The following AGBL4 variants were observed in gnomAD, a reference collection of about 807,000 sequenced individuals.
AGBL4 encodes AGBL carboxypeptidase 4.
Under a neutral mutation model 66.4 loss-of-function variants are expected in AGBL4, and 58 were observed. That is an observed-to-expected ratio of 0.87 (90% CI 0.71 to 1.09). The LOEUF (loss-of-function observed/expected upper bound fraction) is 1.09, where lower values mean the gene tolerates loss of function less well. Among genes scored for constraint, AGBL4 ranks in the 50% least tolerant of loss-of-function variants. The pLI is 0.00. For synonymous variants in AGBL4, 234 were observed against 222.9 expected (o/e 1.05, Z -0.44); for missense variants, 579 against 631.0 (o/e 0.92, Z 0.88).
chr1:49,858,227 G>A (rs930907098), intron 1 of AGBL4, among the ~76,000 whole-genome samples: 1 of 151,982 alleles, frequency 6.6e-6, no homozygotes, highest in African/African-American at 2.4e-5. Context: ...AAATGCAGGC[G>A]AGGAAGAAAA....
intron 9 of AGBL4, among the ~76,000 whole-genome samples, chr1:48,624,089 C>T (rs1645459922): frequency 1.3e-5 from 2 of 152,158 alleles, no homozygotes; most frequent in South Asian, 4.1e-4. Context: ...ACTTTAGAAT[C>T]TGTGGGTTTC....
At chr1:48,678,836 A>G (rs1262381782) in intron 6 of AGBL4, among the ~76,000 whole-genome samples, 6 of 152,182 alleles carry the variant, frequency 3.9e-5, no homozygotes, top group African/African-American at 2.4e-5. Flanking sequence ...AGCAATTTGC[A>G]TTTTCAATTC....
rs186324295 is a variant in AGBL4 at position 49,801,871 on chromosome 1, C to T, written c.157+49525G>A. ...AGTGGCCTGCACAGTGTTTGAAATA[C>T]GTCTGTTATGGTGTCATCCTTCTGG... On this transcript the variant is annotated intron_variant, in intron 2 of 13. Coordinates refer to ENST00000371839, the MANE Select transcript of AGBL4 (RefSeq NM_032785.4). 1.7e-3 allele frequency among the ~76,000 whole-genome samples: 259 copies of T among 152,316 alleles called. 1 individual carries two copies. Among genetic ancestry groups the T allele is most frequent in the African/African-American group, 6.0e-3 (250 of 41,586 alleles).
intron 4 of AGBL4, among the ~76,000 whole-genome samples, chr1:49,111,328 G>A (rs1167562665): frequency 3.9e-5 from 6 of 152,130 alleles, no homozygotes; most frequent in Admixed American, 1.3e-4. Context: ...TAGCCAGGAT[G>A]GTCTCAATCT....
chr1:48,658,456 A>T (rs901007273), intron 7 of AGBL4, among the ~76,000 whole-genome samples: 3 of 152,164 alleles, frequency 2.0e-5, no homozygotes, highest in African/African-American at 7.2e-5. Flanking sequence ...CCCTTCCTTG[A>T]CCTGGCACCA....
intron 2 of AGBL4, chr1:49,842,284 C>A: frequency 4.3e-6 from 2 of 460,358 alleles, no homozygotes; most frequent in South Asian, 1.9e-5. Flanking sequence ...GGCTTCTGGT[C>A]TCTGTAGGAC....
chr1:48,597,854 GAAAGA>G lies in AGBL4; in HGVS notation c.952-6874_952-6870del, dbSNP rs1645018610. Reference sequence around the variant, plus strand: ...AAGAGAGAAAAAGAAAGGAAGGAAGGAAAGAAAAGAAAGGAGAAAGAAAGAAAAAA... The same window carrying G: ...AAGAGAGAAAAAGAAAGGAAGGAAGGAAAGAAAGGAGAAAGAAAGAAAAAA... On this transcript the variant is annotated intron_variant, in intron 9 of 13. Transcript: ENST00000371839. Among the ~76,000 whole-genome samples the G allele has an allele frequency of 2.0e-5, 3 of 147,064 alleles. No individual in the cohort carries two copies. The South Asian group carries it at 6.5e-4, about 32-fold the overall frequency.
intron 5 of AGBL4, among the ~76,000 whole-genome samples, chr1:48,873,286 TTG>T (rs767892879): frequency 3.2e-4 from 48 of 152,290 alleles, no homozygotes; most frequent in Non-Finnish European, 3.7e-4. Context: ...TCATTTGCCT[TTG>T]CACATGTTGT....
At chr1:49,240,478 A>G (rs1368560496) in intron 4 of AGBL4, among the ~76,000 whole-genome samples, 1 of 151,792 alleles carries the variant, frequency 6.6e-6, no homozygotes, top group Non-Finnish European at 1.5e-5. Context: ...TGACCTAGGT[A>G]GCAGTTGGCA....
intron 5 of AGBL4, among the ~76,000 whole-genome samples, chr1:48,952,243 A>G (rs1438590477): frequency 6.6e-6 from 1 of 152,220 alleles, no homozygotes; most frequent in Non-Finnish European, 1.5e-5. Context: ...ATATTAATTG[A>G]GCTTTTACCA....
chr1:49,943,905 C>G (rs1654987963), intron 1 of AGBL4, among the ~76,000 whole-genome samples: 1 of 152,038 alleles, frequency 6.6e-6, no homozygotes, highest in African/African-American at 2.4e-5. Flanking sequence ...CGGCTGTGCT[C>G]ACCCACTACC....
intron 9 of AGBL4, among the ~76,000 whole-genome samples, chr1:48,623,512 T>A (rs1022311055): frequency 6.6e-6 from 1 of 152,254 alleles, no homozygotes; most frequent in Non-Finnish European, 1.5e-5. Flanking sequence ...TTCAGCTGTT[T>A]CCACCACAGT....
chr1:49,285,096 C>A (rs1457377811), intron 3 of AGBL4, among the ~76,000 whole-genome samples: 2 of 152,116 alleles, frequency 1.3e-5, no homozygotes, highest in Non-Finnish European at 2.9e-5. Context: ...CACACCTATT[C>A]CAAAATTGAC....
At chr1:49,347,498 G>A (rs571044296) in intron 3 of AGBL4, among the ~76,000 whole-genome samples, 37 of 151,560 alleles carry the variant, frequency 2.4e-4, no homozygotes, top group African/African-American at 8.7e-4. Flanking sequence ...TGATCCGCCC[G>A]CCTCAGCTTC....
At chr1:48,738,282 ATCAG>A (rs973665549) in intron 6 of AGBL4, among the ~76,000 whole-genome samples, 5 of 152,338 alleles carry the variant, frequency 3.3e-5, no homozygotes, top group Admixed American at 2.6e-4. Context: ...TGCTCAAAAG[ATCAG>A]TCAGACTGCT....
chr1:48,902,479 A>G (rs1332721017), intron 5 of AGBL4, among the ~76,000 whole-genome samples: 1 of 152,126 alleles, frequency 6.6e-6, no homozygotes, highest in Non-Finnish European at 1.5e-5. Context: ...GATCCAAAGT[A>G]TTTAGTGGTT....
At chr1:48,826,765 C>A (rs1309049786) in intron 6 of AGBL4, among the ~76,000 whole-genome samples, 1 of 152,200 alleles carries the variant, frequency 6.6e-6, no homozygotes, top group Non-Finnish European at 1.5e-5. Context: ...TGAGCCCAAC[C>A]TTCTGAACCC....
At chr1:49,500,327 G>A (rs1648023227) in intron 3 of AGBL4, among the ~76,000 whole-genome samples, 1 of 150,842 alleles carries the variant, frequency 6.6e-6, no homozygotes, top group Non-Finnish European at 1.5e-5. Context: ...TCTGTGGGTT[G>A]TCTTTACTCT....
At chr1:49,459,249 T>C (rs1287455856) in intron 3 of AGBL4, among the ~76,000 whole-genome samples, 1 of 151,594 alleles carries the variant, frequency 6.6e-6, no homozygotes, top group Non-Finnish European at 1.5e-5. Flanking sequence ...TCTTTTGGTT[T>C]GGCAATTTTT....
Sources: allele counts gnomAD v4.1 joint callset (sites outside exome capture counted in the v4.1 genomes callset), GRCh38; gene constraint gnomAD v4.1.1; transcripts MANE v1.5; gene names NCBI Gene and HGNC (gene_info 2026-07-23, HGNC 2026-07-21).